Variants in ICA1 observed in about 807,000 individuals in gnomAD.
ICA1 encodes the protein islet cell autoantigen 1.
ICA1 carries 40 observed loss-of-function variants against 71.0 expected under a neutral mutation model. The observed-to-expected ratio is 0.56, with a 90% CI of 0.44 to 0.73. The LOEUF is 0.73. Among genes scored for constraint, ICA1 ranks in the 30% least tolerant of loss-of-function variants. The probability of loss-of-function intolerance (pLI) is 0.00; values close to 1 mark genes in which losing one functional copy is unlikely to be tolerated. For missense variants in ICA1, 578 were observed against 576.5 expected (o/e 1.00, Z -0.03); for synonymous variants, 207 against 209.5 (o/e 0.99, Z 0.10).
chr7:8,162,361 C>G (rs944728247), intron 6 of ICA1, among the ~76,000 whole-genome samples: 1 of 152,210 alleles, frequency 6.6e-6, no homozygotes, highest in South Asian at 2.1e-4. Context: ...TGCTGAGTTT[C>G]CAAATGCTGA....
chr7:8,245,364 A>G (rs1392774814), intron 1 of ICA1, among the ~76,000 whole-genome samples: 1 of 143,938 alleles, frequency 6.9e-6, no homozygotes, highest in East Asian at 2.2e-4. Context: ...GAACAATGAG[A>G]ACACTTGGTC....
chr7:8,177,350 T>C (rs947220054), intron 6 of ICA1, among the ~76,000 whole-genome samples: 7 of 152,180 alleles, frequency 4.6e-5, no homozygotes, highest in African/African-American at 1.7e-4. Context: ...TTTCTGTTTT[T>C]AACTTAAGGA....
At chr7:8,237,819 GACAC>G (rs57343882) in intron 1 of ICA1, among the ~76,000 whole-genome samples, 3,834 of 142,130 alleles carry the variant, frequency 0.027, 77 homozygotes, top group Middle Eastern at 0.055. Flanking sequence ...GTTGAAGACA[GACAC>G]ACACACACAC....
chr7:8,249,450 C>A (rs1487127140), intron 1 of ICA1, among the ~76,000 whole-genome samples: 1 of 152,202 alleles, frequency 6.6e-6, no homozygotes, highest in Non-Finnish European at 1.5e-5. Context: ...GCACCATGTG[C>A]CACCTTCAGC....
Position 8,178,767 on chromosome 7 carries a change from T to C in ICA1, c.580-20115A>G, listed in dbSNP as rs1335028167. Among the ~76,000 whole-genome samples, 3 of 152,296 alleles carry C rather than the reference T, an allele frequency of 2.0e-5. No individual in the cohort carries two copies. In the East Asian group the frequency reaches 5.8e-4, roughly 29 times the overall value. On this transcript the variant is annotated intron_variant, in intron 6 of 13. Transcript: ENST00000402384. ...TACCTTATTCTAATTTGCTCTGCTC[T>C]GGAAAATGTGGATCCTGGGTTCTTT...
At chr7:8,177,854 T>G (rs1469500846) in intron 6 of ICA1, among the ~76,000 whole-genome samples, 1 of 152,194 alleles carries the variant, frequency 6.6e-6, no homozygotes, top group Admixed American at 6.5e-5. Context: ...GATCAGGTCC[T>G]TCCCTTTATG....
intron 2 of ICA1, among the ~76,000 whole-genome samples, 161 bp from the exon 3 acceptor site, chr7:8,232,916 G>A (rs1800706491): frequency 2.0e-5 from 3 of 152,248 alleles, no homozygotes; most frequent in African/African-American, 7.2e-5. Context: ...CACCAAGGAA[G>A]TTCATCAACT....
chr7:8,240,944 G>A (rs1412453323), intron 1 of ICA1, among the ~76,000 whole-genome samples: 1 of 152,224 alleles, frequency 6.6e-6, no homozygotes, highest in African/African-American at 2.4e-5. Context: ...CTTGACTGGT[G>A]TACCTGAAAG....
At chr7:8,177,676 T>C (rs190433933) in intron 6 of ICA1, among the ~76,000 whole-genome samples, 38 of 152,352 alleles carry the variant, frequency 2.5e-4, no homozygotes, top group African/African-American at 7.7e-4. Context: ...TAGTACAGTA[T>C]AGTTTTATTA....
intron 1 of ICA1, among the ~76,000 whole-genome samples, chr7:8,239,607 G>T (rs1264649435): frequency 1.3e-5 from 2 of 152,222 alleles, no homozygotes; most frequent in African/African-American, 4.8e-5. Context: ...TTCTCACCCA[G>T]GAAGTGCAAG....
chr7:8,208,352 T>C (rs1792365281), intron 6 of ICA1, among the ~76,000 whole-genome samples: 1 of 152,186 alleles, frequency 6.6e-6, no homozygotes, highest in South Asian at 2.1e-4. Context: ...TGCTCCTGTT[T>C]GAAATTTAAA....
chr7:8,190,594 T>C (rs766588091), intron 6 of ICA1, among the ~76,000 whole-genome samples: 14 of 152,200 alleles, frequency 9.2e-5, no homozygotes, highest in Non-Finnish European at 1.5e-4. Flanking sequence ...CCAATTCAGA[T>C]GGCTTAGAAA....
intron 8 of ICA1, among the ~76,000 whole-genome samples, chr7:8,148,940 C>T (rs34096597): frequency 0.13 from 19,613 of 152,116 alleles, 1,324 homozygotes; most frequent in Non-Finnish European, 0.15. Flanking sequence ...CTGCTCTCCC[C>T]GACGTTGGAT....
chr7:8,186,062 G>A (rs990521234), intron 6 of ICA1, among the ~76,000 whole-genome samples: 8 of 152,190 alleles, frequency 5.3e-5, no homozygotes, highest in African/African-American at 1.9e-4. Context: ...AAAGAACCCT[G>A]GGAGAGTTTT....
intron 6 of ICA1, among the ~76,000 whole-genome samples, chr7:8,171,435 C>T (rs746076392): frequency 6.6e-6 from 1 of 151,854 alleles, no homozygotes; most frequent in Non-Finnish European, 1.5e-5. Flanking sequence ...TAAAGTTGTT[C>T]ATAATATTTA....
chr7:8,179,739 C>G (rs1038117573), intron 6 of ICA1, among the ~76,000 whole-genome samples: 1 of 151,958 alleles, frequency 6.6e-6, no homozygotes, highest in Non-Finnish European at 1.5e-5. Flanking sequence ...ATATACTTTC[C>G]TGAGGAAGGG....
chr7:8,239,066 G>T (rs1488927524), intron 1 of ICA1, among the ~76,000 whole-genome samples: 1 of 152,166 alleles, frequency 6.6e-6, no homozygotes, highest in Non-Finnish European at 1.5e-5. Context: ...CAGGAGCAAA[G>T]GAATCATAAG....
At chr7:8,204,159 G>T (rs1790696216) in intron 6 of ICA1, among the ~76,000 whole-genome samples, 1 of 152,210 alleles carries the variant, frequency 6.6e-6, no homozygotes, top group South Asian at 2.1e-4. Context: ...GCATGTGCTG[G>T]AAGATGTGAC....
intron 1 of ICA1, among the ~76,000 whole-genome samples, chr7:8,245,114 T>A (rs1805470380): frequency 6.6e-6 from 1 of 152,182 alleles, no homozygotes; most frequent in Non-Finnish European, 1.5e-5. Flanking sequence ...TGCACACGTA[T>A]GTTTACTGCG....
Sources: allele counts gnomAD v4.1 joint callset (sites outside exome capture counted in the v4.1 genomes callset), GRCh38; gene constraint gnomAD v4.1.1; transcripts MANE v1.5; gene names NCBI Gene and HGNC (gene_info 2026-07-23, HGNC 2026-07-21).